RASGRF2: variants seen among roughly 807,000 people sequenced by gnomAD.
RASGRF2 encodes Ras protein specific guanine nucleotide releasing factor 2.
In RASGRF2, 76 loss-of-function variants were observed where a neutral mutation model predicts 151.0. The ratio of observed to expected loss-of-function variants is 0.50; its 90% CI spans 0.42 to 0.61. RASGRF2 has a LOEUF of 0.61. Among genes scored for constraint, RASGRF2 ranks in the 20% least tolerant of loss-of-function variants. The pLI, the probability that RASGRF2 is intolerant of heterozygous loss-of-function variation, is 0.00. For synonymous variants in RASGRF2, 504 were observed against 566.5 expected (o/e 0.89, Z 1.57); for missense variants, 1,148 against 1,564.6 (o/e 0.73, Z 4.49).
intron 5 of RASGRF2, 128 bp downstream of exon 5, chr5:81,073,580 A>C: frequency 1.0e-6 from 1 of 965,862 alleles, no homozygotes; most frequent in Non-Finnish European, 1.4e-6. Context: ...AAAAATAAGA[A>C]AGCTATTACT....
At chr5:81,080,883 TGGGA>T in intron 7 of RASGRF2, 94 bp downstream of exon 7, 2 of 1,171,004 alleles carry the variant, frequency 1.7e-6, no homozygotes, top group Non-Finnish European at 2.4e-6. Context: ...AAGTGTGCCC[TGGGA>T]GGAATTATGG....
chr5:81,095,012 C>G lies in RASGRF2; in HGVS notation c.1755+20C>G. 7.2e-7 allele frequency: 1 copy of G among 1,393,210 alleles called. No homozygotes were observed. The highest frequency in any genetic ancestry group is 9.4e-7 in the Non-Finnish European group (1 of 1,063,840). 86.3% of individuals were successfully genotyped at this position (1,393,210 alleles called of 1,614,324 possible). On this transcript the variant is annotated intron_variant, in intron 12 of 26. Coordinates refer to ENST00000265080, the MANE Select transcript of RASGRF2 (RefSeq NM_006909.3). Reference sequence around the variant, plus strand: ...AGTCAGGTAAGAAAGTGGCTTTTGCCAAATTTTTGTTTTTTAAATTTCACA... The same window carrying G: ...AGTCAGGTAAGAAAGTGGCTTTTGCGAAATTTTTGTTTTTTAAATTTCACA...
At chr5:80,995,683 T>TC (rs1295578106) in intron 1 of RASGRF2, among the ~76,000 whole-genome samples, 1 of 26,056 alleles carries the variant, frequency 3.8e-5, no homozygotes, top group Non-Finnish European at 8.9e-5. Context: ...TTTCCTTTCC[T>TC]TCCCCCCCCC....
At chr5:80,995,691 C>CCT (rs916920766) in intron 1 of RASGRF2, among the ~76,000 whole-genome samples, 3 of 129,880 alleles carry the variant, frequency 2.3e-5, no homozygotes, top group Non-Finnish European at 1.6e-5. Context: ...CCTTCCCCCC[C>CCT]CCTTTTTTTT....
At chr5:81,139,108 A>G (rs148304001) in intron 17 of RASGRF2, among the ~76,000 whole-genome samples, 12 of 152,276 alleles carry the variant, frequency 7.9e-5, no homozygotes, top group South Asian at 2.1e-4. Context: ...TACAAATCTT[A>G]CATTTGTTTT....
chr5:81,197,442 G>A (rs560600920), intron 18 of RASGRF2, among the ~76,000 whole-genome samples: 144 of 106,870 alleles, frequency 1.3e-3, no homozygotes, highest in Non-Finnish European at 1.0e-3. Flanking sequence ...CGGCCTGGGC[G>A]ACAGAGCGAG....
Position 81,166,695 on chromosome 5 carries a change from C to T in RASGRF2, c.2687-13480C>T, listed in dbSNP as rs113581454. 6.2e-3 allele frequency among the ~76,000 whole-genome samples: 937 copies of T among 151,934 alleles called. 2 individuals are homozygous for T. Among genetic ancestry groups the T allele is most frequent in the Non-Finnish European group, 0.011 (718 of 67,976 alleles). On this transcript the variant is annotated intron_variant, in intron 17 of 26. Transcript: ENST00000265080. ...ACGAAGGGCTGGTAATTGAGGTCAG[C>T]GAAAGGATGGTATCAGATGCATGGT...
intron 2 of RASGRF2, among the ~76,000 whole-genome samples, chr5:81,048,171 A>T (rs1750897568): frequency 6.6e-6 from 1 of 152,196 alleles, no homozygotes; most frequent in South Asian, 2.1e-4. Context: ...TTAGAGATGG[A>T]CAGTGATGTT....
Position 81,031,670 on chromosome 5 carries a change from A to G in RASGRF2, c.289-11207A>G, listed in dbSNP as rs545612080. Among the ~76,000 whole-genome samples, 13 of 152,360 alleles carry G rather than the reference A, an allele frequency of 8.5e-5. No homozygotes were observed. The East Asian group carries it at 2.5e-3, about 29-fold the overall frequency. On this transcript the variant is annotated intron_variant, in intron 1 of 26. Transcript: ENST00000265080. ...AAGCAGTGTGTATAGGAAAATTTATAGCACTAAATGCCCACAAGAGAAAGC... is the reference window on the plus strand; with the variant it reads ...AAGCAGTGTGTATAGGAAAATTTATGGCACTAAATGCCCACAAGAGAAAGC...
Position 81,073,370 on chromosome 5 carries a change from T to C in RASGRF2, c.805T>C (p.Phe269Leu). Residue 269 changes from phenylalanine (F) to leucine (L), a missense_variant, in exon 5 of 27, where the codon TTT becomes CTT. Phe to Leu is a conservative substitution (Grantham distance 22, BLOSUM62 0). This residue lies in a region of RASGRF2 where 176 missense variants were observed against 309.6 expected (regional missense o/e 0.57). Coordinates refer to ENST00000265080, the MANE Select transcript of RASGRF2 (RefSeq NM_006909.3). ...VHQLYILVNG[F>L]LRPLRMAASS... ...CCAGCTCTACATCCTGGTCAATGGCTTTCTCCGGCCCCTGCGTATGGCCGC... is the reference window on the plus strand; with the variant it reads ...CCAGCTCTACATCCTGGTCAATGGCCTTCTCCGGCCCCTGCGTATGGCCGC... 1 of 1,614,154 alleles carries C rather than the reference T, an allele frequency of 6.2e-7. No homozygotes were observed. The highest frequency in any genetic ancestry group is 8.5e-7 in the Non-Finnish European group (1 of 1,180,026).
chr5:81,180,549 A>G (rs1478167826), intron 18 of RASGRF2, among the ~76,000 whole-genome samples: 1 of 151,774 alleles, frequency 6.6e-6, no homozygotes, highest in African/African-American at 2.4e-5. Context: ...AACAGCACTC[A>G]CCCATGGGCA....
rs1463643933 is a variant in RASGRF2 at position 81,229,735 on chromosome 5, A to G, written c.*3965A>G. On this transcript the variant is annotated 3_prime_UTR_variant, in exon 27 of 27. Coordinates refer to ENST00000265080, the MANE Select transcript of RASGRF2 (RefSeq NM_006909.3). ...AGCTGGCCTAGGCATCCCGGCCCTG[A>G]GTCCTAGGCCCAGTCTCCAACTGGA... The G allele has an allele frequency of 6.6e-6, 1 of 152,246 alleles. No individual in the cohort carries two copies. The highest frequency in any genetic ancestry group is 6.5e-5 in the Admixed American group (1 of 15,282). 9.4% of individuals were successfully genotyped at this position (152,246 alleles called of 1,614,324 possible).
intron 9 of RASGRF2, chr5:81,087,412 G>T: frequency 1.5e-6 from 1 of 684,298 alleles, no homozygotes; most frequent in Non-Finnish European, 2.7e-6. Flanking sequence ...TTCCGGATCC[G>T]CCCCACACGA....
chr5:81,193,524 C>CT (rs981068450), intron 18 of RASGRF2, among the ~76,000 whole-genome samples: 7 of 150,844 alleles, frequency 4.6e-5, no homozygotes, highest in South Asian at 2.1e-4. Context: ...TTTTCTTTTT[C>CT]TTTTTTTTTG....
intron 1 of RASGRF2, among the ~76,000 whole-genome samples, chr5:80,971,601 TG>T (rs1747936716): frequency 1.3e-5 from 2 of 150,746 alleles, no homozygotes; most frequent in South Asian, 4.2e-4. Context: ...TTTCTTACTC[TG>T]TCATCCAGGC....
intron 1 of RASGRF2, among the ~76,000 whole-genome samples, chr5:81,041,413 G>C (rs1268653135): frequency 2.0e-5 from 3 of 151,992 alleles, no homozygotes; most frequent in Non-Finnish European, 1.5e-5. Flanking sequence ...TAAGACATCT[G>C]TCACTTTGTC....
chr5:81,214,837 A>G (rs1258118776), intron 23 of RASGRF2, among the ~76,000 whole-genome samples: 1 of 152,188 alleles, frequency 6.6e-6, no homozygotes, highest in Non-Finnish European at 1.5e-5. Context: ...GAAACCCCAG[A>G]CCAATGTCAA....
intron 14 of RASGRF2, 77 bp downstream of exon 14, chr5:81,112,935 G>C: frequency 6.4e-7 from 1 of 1,570,440 alleles, no homozygotes; most frequent in Non-Finnish European, 8.7e-7. Context: ...AGGATGAGCA[G>C]GCCAGCTCTG....
intron 2 of RASGRF2, among the ~76,000 whole-genome samples, chr5:81,056,748 A>G (rs1011291602): frequency 6.6e-6 from 1 of 152,064 alleles, no homozygotes; most frequent in African/African-American, 2.4e-5. Flanking sequence ...TCCCATTATT[A>G]TTGTGTGGAA....
Sources: allele counts gnomAD v4.1 joint callset (sites outside exome capture counted in the v4.1 genomes callset), GRCh38; gene constraint gnomAD v4.1.1; regional missense constraint gnomAD v4.1.1; transcripts MANE v1.5; gene names NCBI Gene and HGNC (gene_info 2026-07-23, HGNC 2026-07-21).